FAM20C: variants seen among roughly 807,000 people sequenced by gnomAD.
FAM20C encodes the protein extracellular serine/threonine protein kinase FAM20C.
In FAM20C, 40 loss-of-function variants were observed where a neutral mutation model predicts 51.5. The observed-to-expected ratio is 0.78, with a 90% CI of 0.60 to 1.01. FAM20C has a LOEUF of 1.01. Among genes scored for constraint, FAM20C ranks in the 50% least tolerant of loss-of-function variants. The pLI is 0.00. For missense variants in FAM20C, 861 were observed against 844.7 expected, an observed-to-expected ratio of 1.02 and a Z score of -0.24; for synonymous variants, 406 against 380.6, an observed-to-expected ratio of 1.07 and a Z score of -0.78.
chr7:237,272 C>T (rs1356642138), intron 3 of FAM20C, among the ~76,000 whole-genome samples: 6 of 152,212 alleles, frequency 3.9e-5, no homozygotes, highest in Admixed American at 6.5e-5. Context: ...CTGGATTCCA[C>T]GTGCATGAAC....
chr7:224,354 G>A (rs57239298), intron 3 of FAM20C, among the ~76,000 whole-genome samples: 3 of 27,994 alleles, frequency 1.1e-4, no homozygotes, highest in African/African-American at 2.5e-4. Flanking sequence ...CTCTCACGGA[G>A]CAGAACGGCA....
chr7:234,562 C>T (rs930277635), intron 3 of FAM20C, among the ~76,000 whole-genome samples: 1 of 152,126 alleles, frequency 6.6e-6, no homozygotes, highest in African/African-American at 2.4e-5. Context: ...GAGGCTTTGC[C>T]GAGAAGGTGC....
chr7:229,804 G>A (rs1045485134), intron 3 of FAM20C, among the ~76,000 whole-genome samples: 27 of 152,284 alleles, frequency 1.8e-4, no homozygotes, highest in African/African-American at 6.3e-4. Flanking sequence ...GTTTTCTGCT[G>A]TGTGAGTGAT....
At chr7:257,242 G>A (rs768711282) in intron 8 of FAM20C, 156 bp downstream of exon 8, 15 of 754,222 alleles carry the variant, frequency 2.0e-5, no homozygotes, top group Non-Finnish European at 2.9e-5. Flanking sequence ...TGCAGAGGGC[G>A]GCCCCAGGCC....
chr7:227,153 C>T lies in FAM20C; in HGVS notation c.863+18177C>T, dbSNP rs78134023. Among the ~76,000 whole-genome samples the T allele has an allele frequency of 9.7e-3, 1,475 of 152,078 alleles. 20 individuals carry two copies. The highest frequency in any genetic ancestry group is 0.034 in the African/African-American group (1,409 of 41,450). The stretch of plus-strand genomic sequence containing the variant: ...TTTTTTCCAAAAGCATTCCCCAGAA[C>T]GGCAATATCGAGGGTCTTTTTGTAT... On this transcript the variant is annotated intron_variant, in intron 3 of 9. Transcript: ENST00000313766.
At chr7:223,452 C>T (rs751279875) in intron 3 of FAM20C, among the ~76,000 whole-genome samples, 5 of 152,218 alleles carry the variant, frequency 3.3e-5, no homozygotes, top group Admixed American at 6.5e-5. Flanking sequence ...TCTCGCTCTC[C>T]GGGGCTGTCC....
At position 232,627 on chromosome 7, in the gene FAM20C, A is replaced by C. The variant is rs983699219; in HGVS notation, c.864-13788A>C. Among the ~76,000 whole-genome samples, 287 of 152,262 alleles carry C rather than the reference A, an allele frequency of 1.9e-3. 2 individuals carry two copies. The highest frequency in any genetic ancestry group is 6.5e-3 in the African/African-American group (271 of 41,514). ...TTTTTAACCAAAGCAAACGTTTTCT[A>C]TTTTCCCACAAACTGAAGAGCGTTG... On this transcript the variant is annotated intron_variant, in intron 3 of 9. Coordinates refer to ENST00000313766, the MANE Select transcript of FAM20C (RefSeq NM_020223.4).
rs186059228 is a variant in FAM20C, at chr7:254,481, T to C, written c.1073-1368T>C. Among the ~76,000 whole-genome samples the C allele has an allele frequency of 1.1e-4, 16 of 152,322 alleles. 1 individual carries two copies. In the East Asian group the frequency reaches 2.3e-3, roughly 22 times the overall value. On this transcript the variant is annotated intron_variant, in intron 5 of 9. Coordinates refer to ENST00000313766, the MANE Select transcript of FAM20C (RefSeq NM_020223.4). Reference sequence around the variant, plus strand: ...ATAAAGCAAGAAAAACTAGATTTAATCAGCAAATAAATACAGGAATAGCGC... The same window carrying C: ...ATAAAGCAAGAAAAACTAGATTTAACCAGCAAATAAATACAGGAATAGCGC...
At chr7:223,808 T>C (rs533049649) in intron 3 of FAM20C, among the ~76,000 whole-genome samples, 1 of 152,318 alleles carries the variant, frequency 6.6e-6, no homozygotes, top group East Asian at 1.9e-4. Context: ...AAAAATGAAC[T>C]TTTTTCATTT....
chr7:249,854 G>A (rs958635137), intron 5 of FAM20C, among the ~76,000 whole-genome samples: 19 of 152,138 alleles, frequency 1.2e-4, no homozygotes, highest in Non-Finnish European at 2.6e-4. Flanking sequence ...TCCCATTTCC[G>A]ATGCTCACCT....
intron 2 of FAM20C, among the ~76,000 whole-genome samples, chr7:205,194 C>A (rs1308876759): frequency 6.6e-6 from 1 of 152,186 alleles, no homozygotes; most frequent in African/African-American, 2.4e-5. Context: ...TGGTCTTGAG[C>A]CCCTGGCCTC....
chr7:235,158 G>T (rs1320831785), intron 3 of FAM20C, among the ~76,000 whole-genome samples: 2 of 151,974 alleles, frequency 1.3e-5, no homozygotes, highest in South Asian at 2.1e-4. Context: ...CTGAGCCCAG[G>T]CTGCGGCATT....
At chr7:194,780 C>CCT (rs2115038221) in intron 1 of FAM20C, among the ~76,000 whole-genome samples, 1 of 50,712 alleles carries the variant, frequency 2.0e-5, no homozygotes, top group East Asian at 3.5e-4. Flanking sequence ...TAGCCCCCCA[C>CCT]CCCGCCCCCG....
chr7:193,228 G>A lies in FAM20C; in HGVS notation c.29G>A (p.Arg10His). 6.8e-7 allele frequency: 1 copy of A among 1,464,370 alleles called. No individual in the cohort carries two copies. Among genetic ancestry groups the A allele is most frequent in the Non-Finnish European group, 9.1e-7 (1 of 1,103,380 alleles). 90.7% of individuals were successfully genotyped at this position (1,464,370 alleles called of 1,614,324 possible). Residue 10 changes from arginine to histidine, a missense_variant, in exon 1 of 10, where the codon CGC becomes CAC. Arg to His is a conservative substitution (Grantham distance 29). Around this residue, in one of 3 missense-constraint regions of FAM20C, gnomAD observed 561 missense variants for 499.8 expected, o/e 1.12. Coordinates refer to ENST00000313766, the MANE Select transcript of FAM20C (RefSeq NM_020223.4). ...AAGATGATGCTGGTGCGCCGGTTCC[G>A]CGTGCTCATCCTGATGGTGTTCCTG... MKMMLVRRFRVLILMVFLVA... is the reference protein window; with the variant it reads MKMMLVRRFHVLILMVFLVA...
chr7:227,193 A>G (rs1401953769), intron 3 of FAM20C, among the ~76,000 whole-genome samples: 1 of 151,910 alleles, frequency 6.6e-6, no homozygotes, highest in African/African-American at 2.4e-5. Flanking sequence ...TCCAGTTATG[A>G]CGGTCGCCGG....
At chr7:205,933 G>A (rs547400403) in intron 2 of FAM20C, among the ~76,000 whole-genome samples, 201 of 152,106 alleles carry the variant, frequency 1.3e-3, no homozygotes, top group Non-Finnish European at 2.5e-3. Context: ...CCGTCTGAAG[G>A]GAGTATCCTG....
At position 193,184 on chromosome 7, in the gene FAM20C, GC is replaced by G; in HGVS notation, c.-14del. 6.9e-7 allele frequency: 1 copy of G among 1,449,998 alleles called. No homozygotes were observed. The highest frequency in any genetic ancestry group is 9.1e-7 in the Non-Finnish European group (1 of 1,095,328). 89.8% of individuals were successfully genotyped at this position (1,449,998 alleles called of 1,614,324 possible). The stretch of plus-strand genomic sequence containing the variant: ...CGGGCAGAACGCGCTCCAGGCCCGG[GC>G]CGGCCCGCGCGGCCATGAAGATGAT... On this transcript the variant is annotated 5_prime_UTR_variant, in exon 1 of 10. Coordinates refer to ENST00000313766, the MANE Select transcript of FAM20C (RefSeq NM_020223.4).
rs1562400949 is a variant in FAM20C at position 257,835 on chromosome 7, C to CTGGGTGG, written c.1445+749_1445+750insTGGGTGG. ...CACTGCCCGGGGTGCTGGAGATGGG[C>CTGGGTGG]AGGGTGGACCCACTGCCTGGGGTGC... On this transcript the variant is annotated intron_variant, in intron 8 of 9. Transcript: ENST00000313766. Among the ~76,000 whole-genome samples, 21 of 111,054 alleles carry CTGGGTGG rather than the reference C, an allele frequency of 1.9e-4. 1 individual carries two copies. Among genetic ancestry groups the CTGGGTGG allele is most frequent in the African/African-American group, 4.9e-4 (11 of 22,508 alleles). 72.9% of individuals were successfully genotyped at this position (111,054 alleles called of 152,430 possible).
intron 9 of FAM20C, 54 bp from the exon 10 acceptor site, chr7:259,677 T>G: frequency 6.8e-7 from 1 of 1,464,422 alleles, no homozygotes. Flanking sequence ...CGCTTTCCCG[T>G]GGGCAGGCAT....
Sources: allele counts gnomAD v4.1 joint callset (sites outside exome capture counted in the v4.1 genomes callset), GRCh38; gene constraint gnomAD v4.1.1; regional missense constraint gnomAD v4.1.1; transcripts MANE v1.5; gene names NCBI Gene and HGNC (gene_info 2026-07-23, HGNC 2026-07-21).